DOCK1: variants seen among roughly 807,000 people sequenced by gnomAD.
DOCK1 encodes the protein dedicator of cytokinesis 1, also known as dedicator of cytokinesis protein 1.
Under a neutral mutation model 262.7 loss-of-function variants are expected in DOCK1, and 138 were observed. That is an observed-to-expected ratio of 0.53 (90% CI 0.46 to 0.61). DOCK1 has a LOEUF of 0.61. DOCK1 is among the 20% of genes least tolerant of loss of function. The pLI, the probability that DOCK1 is intolerant of heterozygous loss-of-function variation, is 0.00. For synonymous variants in DOCK1, 866 were observed against 867.4 expected, an observed-to-expected ratio of 1.00 and a Z score of 0.03; for missense variants, 1,908 against 2,370.7, an observed-to-expected ratio of 0.80 and a Z score of 4.05.
At chr10:127,374,331 A>G (rs1354584555) in intron 35 of DOCK1, 117 bp downstream of exon 35, 4 of 1,301,712 alleles carry the variant, frequency 3.1e-6, no homozygotes, top group East Asian at 2.6e-5. Flanking sequence ...CCGCAGAACA[A>G]TCTCCTTCGC....
intron 29 of DOCK1, among the ~76,000 whole-genome samples, chr10:127,323,513 C>T (rs2062627260): frequency 6.6e-6 from 1 of 152,212 alleles, no homozygotes; most frequent in Non-Finnish European, 1.5e-5. Flanking sequence ...ACAAAGGGTA[C>T]TTTTGTGTAA....
chr10:126,951,170 G>T (rs1212461954), intron 1 of DOCK1, among the ~76,000 whole-genome samples: 1 of 151,832 alleles, frequency 6.6e-6, no homozygotes, highest in Non-Finnish European at 1.5e-5. Context: ...ACTGGTAGTA[G>T]TGTTGGTGAT....
intron 21 of DOCK1, among the ~76,000 whole-genome samples, chr10:127,043,918 C>A (rs550305701): frequency 6.6e-6 from 1 of 152,086 alleles, no homozygotes; most frequent in Non-Finnish European, 1.5e-5. Context: ...TAAGTTATTA[C>A]GTGTAGAGTG....
chr10:126,950,473 C>T (rs2036114738), intron 1 of DOCK1, among the ~76,000 whole-genome samples: 1 of 152,042 alleles, frequency 6.6e-6, no homozygotes, highest in African/African-American at 2.4e-5. Flanking sequence ...GTTATTTCAT[C>T]TTGTCTCAAG....
intron 27 of DOCK1, chr10:127,195,867 G>A (rs1010073074): frequency 5.9e-5 from 9 of 152,306 alleles, no homozygotes; most frequent in African/African-American, 2.2e-4. Flanking sequence ...CCGAGTTTCC[G>A]GCCAAGCCGG....
intron 12 of DOCK1, among the ~76,000 whole-genome samples, chr10:127,013,921 G>T (rs1234774734): frequency 6.6e-6 from 1 of 152,238 alleles, no homozygotes. Flanking sequence ...GGACTGCAGG[G>T]CGCTGCCCAC....
rs34542672 is a variant in DOCK1, at chr10:126,994,303, GTTTATTTA to G, written c.474-2425_474-2418del. On this transcript the variant is annotated intron_variant, in intron 6 of 51. Coordinates refer to ENST00000623213, the MANE Select transcript of DOCK1 (RefSeq NM_001290223.2). ...GAGAATATTCCCCAAAATATGTACT[GTTTATTTA>G]TTTATTTATTTATTTATTTTTAGTA... Among the ~76,000 whole-genome samples the G allele has an allele frequency of 6.0e-5, 9 of 151,198 alleles. No individual in the cohort carries two copies. The East Asian group carries it at 1.6e-3, about 26-fold the overall frequency.
At chr10:127,018,605 T>C in intron 12 of DOCK1, 105 bp from the exon 13 acceptor site, 6 of 1,557,290 alleles carry the variant, frequency 3.9e-6, no homozygotes, top group Non-Finnish European at 5.3e-6. Flanking sequence ...CTCAAGATGT[T>C]GAATTGTGAA....
chr10:127,187,630 A>T (rs2056394730), intron 27 of DOCK1, among the ~76,000 whole-genome samples: 1 of 152,040 alleles, frequency 6.6e-6, no homozygotes, highest in South Asian at 2.1e-4. Flanking sequence ...GTAAACAAGC[A>T]TTTTTCCTTA....
intron 27 of DOCK1, among the ~76,000 whole-genome samples, chr10:127,235,788 GT>G (rs57376230): frequency 0.8 from 119,281 of 149,402 alleles, 48,062 homozygotes; most frequent in South Asian, 0.89. Flanking sequence ...TGTGGTGGTT[GT>G]TTTTTTTTTT....
chr10:126,947,456 G>GGTA (rs1377925928), intron 1 of DOCK1, among the ~76,000 whole-genome samples: 83 of 107,350 alleles, frequency 7.7e-4, no homozygotes, highest in African/African-American at 2.7e-3. Flanking sequence ...TGGTGGTGGT[G>GGTA]GTTGGTAGTA....
chr10:127,352,653 C>T (rs1254934454), intron 31 of DOCK1, among the ~76,000 whole-genome samples: 3 of 151,918 alleles, frequency 2.0e-5, no homozygotes, highest in Admixed American at 2.0e-4. Context: ...AGTGCAGTGG[C>T]GAGATCTCAG....
intron 27 of DOCK1, among the ~76,000 whole-genome samples, chr10:127,244,409 A>C (rs2059364295): frequency 6.6e-6 from 1 of 152,218 alleles, no homozygotes; most frequent in Admixed American, 6.5e-5. Context: ...AGATTATCAG[A>C]AGTAGAATTA....
chr10:126,907,635 C>T, intron 1 of DOCK1, among the ~76,000 whole-genome samples: 1 of 152,076 alleles, frequency 6.6e-6, no homozygotes, highest in East Asian at 1.9e-4. Context: ...CCCAGAGAGA[C>T]CTGGATGGTG....
At chr10:127,004,366 A>G (rs1235039586) in intron 10 of DOCK1, among the ~76,000 whole-genome samples, 1 of 152,138 alleles carries the variant, frequency 6.6e-6, no homozygotes, top group Non-Finnish European at 1.5e-5. Context: ...TGATCTGGCT[A>G]TGTAAATTTT....
In DOCK1 at chr10:127,165,719, A is replaced by C. The variant is rs529847307; in HGVS notation, c.2847+37955A>C. Among the ~76,000 whole-genome samples, 70 of 152,284 alleles carry C rather than the reference A, an allele frequency of 4.6e-4. 1 individual carries two copies. The highest frequency in any genetic ancestry group is 1.6e-3 in the African/African-American group (65 of 41,568). On this transcript the variant is annotated intron_variant, in intron 27 of 51. Coordinates refer to ENST00000623213, the MANE Select transcript of DOCK1 (RefSeq NM_001290223.2). Reference sequence around the variant, plus strand: ...CACTGATATTACAAATGGCCTGTGAACTGGGTTCCCAGGCAGGTTCCTCAA... The same window carrying C: ...CACTGATATTACAAATGGCCTGTGACCTGGGTTCCCAGGCAGGTTCCTCAA...
chr10:127,163,299 C>T (rs1457824226), intron 27 of DOCK1, among the ~76,000 whole-genome samples: 1 of 152,068 alleles, frequency 6.6e-6, no homozygotes, highest in African/African-American at 2.4e-5. Flanking sequence ...CAGTTTCCTT[C>T]CCACCTCTCC....
chr10:127,130,892 A>C (rs1310571615), intron 27 of DOCK1, among the ~76,000 whole-genome samples: 1 of 152,172 alleles, frequency 6.6e-6, no homozygotes, highest in Non-Finnish European at 1.5e-5. Context: ...AAGTCATCGA[A>C]AGGACTGAGC....
At position 127,451,710 on chromosome 10, in the gene DOCK1, T is replaced by C; in HGVS notation, c.*283T>C. 1 of 509,852 alleles carries C rather than the reference T, an allele frequency of 2.0e-6. No homozygotes were observed. 31.6% of individuals were successfully genotyped at this position (509,852 alleles called of 1,614,324 possible). ...GTCTGGCTCTGAGAGAGTCTGAGTCTTGCCCAAACATTCTTTCTTTTTGTG... is the reference window on the plus strand; with the variant it reads ...GTCTGGCTCTGAGAGAGTCTGAGTCCTGCCCAAACATTCTTTCTTTTTGTG... On this transcript the variant is annotated 3_prime_UTR_variant, in exon 52 of 52. Coordinates refer to ENST00000623213, the MANE Select transcript of DOCK1 (RefSeq NM_001290223.2).
Sources: allele counts gnomAD v4.1 joint callset (sites outside exome capture counted in the v4.1 genomes callset), GRCh38; gene constraint gnomAD v4.1.1; transcripts MANE v1.5; gene names NCBI Gene and HGNC (gene_info 2026-07-23, HGNC 2026-07-21).